The following PCDH7 variants were observed in gnomAD, a reference collection of about 807,000 sequenced individuals.
The protein encoded by PCDH7 is protocadherin 7.
A neutral mutation model predicts 58.9 loss-of-function variants in PCDH7; 17 were observed. The ratio of observed to expected loss-of-function variants is 0.29; its 90% confidence interval spans 0.20 to 0.43. PCDH7 has a LOEUF of 0.43. PCDH7 is among the 20% of genes least tolerant of loss of function. The probability of loss-of-function intolerance (pLI) is 1.00; values close to 1 mark genes in which losing one functional copy is unlikely to be tolerated. For synonymous variants in PCDH7, 664 were observed against 616.4 expected (o/e 1.08, Z -1.14); for missense variants, 1,274 against 1,441.0 (o/e 0.88, Z 1.88).
intron 3 of PCDH7, among the ~76,000 whole-genome samples, chr4:31,080,618 T>C (rs1759422493): frequency 6.6e-6 from 1 of 152,232 alleles, no homozygotes; most frequent in Admixed American, 6.5e-5. Flanking sequence ...ATTCTTTTCA[T>C]ATTGCATTTA....
intron 3 of PCDH7, among the ~76,000 whole-genome samples, chr4:31,085,137 A>G (rs555877833): frequency 3.3e-4 from 50 of 152,164 alleles, no homozygotes; most frequent in African/African-American, 1.2e-3. Flanking sequence ...CTTGATGGGT[A>G]GGGGAAAGCC....
intron 1 of PCDH7, among the ~76,000 whole-genome samples, chr4:30,832,120 C>T (rs573347470): frequency 1.3e-5 from 2 of 152,128 alleles, no homozygotes; most frequent in African/African-American, 4.8e-5. Context: ...GAAGTGAGCT[C>T]AGCATCACAG....
chr4:31,085,429 C>A (rs1712278469), intron 3 of PCDH7, among the ~76,000 whole-genome samples: 1 of 152,038 alleles, frequency 6.6e-6, no homozygotes, highest in South Asian at 2.1e-4. Context: ...GCAATCTAGT[C>A]CCCAGGCAAG....
At chr4:30,894,463 G>GGAAAAAA (rs1393250151) in intron 1 of PCDH7, among the ~76,000 whole-genome samples, 1 of 13,040 alleles carries the variant, frequency 7.7e-5, no homozygotes, top group African/African-American at 2.8e-4. Flanking sequence ...TTTCATTCAG[G>GGAAAAAA]AAAAAAAAAA....
At chr4:30,805,555 T>C (rs1032882085) in intron 1 of PCDH7, among the ~76,000 whole-genome samples, 1 of 152,198 alleles carries the variant, frequency 6.6e-6, no homozygotes, top group African/African-American at 2.4e-5. Flanking sequence ...ATTACAAACA[T>C]AATAGAGCAA....
At chr4:30,923,591 G>A (rs1053647927) in intron 2 of PCDH7, among the ~76,000 whole-genome samples, 6 of 151,888 alleles carry the variant, frequency 4.0e-5, no homozygotes, top group East Asian at 1.9e-4. Flanking sequence ...TCTTACCACC[G>A]GAATCTAATA....
At position 30,971,712 on chromosome 4, in the gene PCDH7, C is replaced by T. The variant is rs767512793; in HGVS notation, c.*7+21497C>T. On this transcript the variant is annotated intron_variant, in intron 3 of 3. Coordinates refer to the PCDH7 transcript ENST00000509759. ...TTTGAGGATGGACTAGAAGTAGCTACACCAACCATGAGCACACCATTAAAA... is the reference window on the plus strand; with the variant it reads ...TTTGAGGATGGACTAGAAGTAGCTATACCAACCATGAGCACACCATTAAAA... 5.3e-5 allele frequency among the ~76,000 whole-genome samples: 8 copies of T among 152,282 alleles called. No individual in the cohort carries two copies. The East Asian group carries it at 1.4e-3, about 26-fold the overall frequency.
intron 3 of PCDH7, among the ~76,000 whole-genome samples, chr4:31,100,309 A>G (rs1714742845): frequency 6.6e-6 from 1 of 152,186 alleles, no homozygotes; most frequent in East Asian, 1.9e-4. Context: ...CCAGTGAGAG[A>G]TTATTTAAGT....
At chr4:30,796,849 T>C (rs1189755702) in intron 1 of PCDH7, among the ~76,000 whole-genome samples, 1 of 152,230 alleles carries the variant, frequency 6.6e-6, no homozygotes, top group African/African-American at 2.4e-5. Flanking sequence ...TAGCTTATCC[T>C]AATCCTTACT....
chr4:30,780,504 C>T (rs943030054), intron 1 of PCDH7, among the ~76,000 whole-genome samples: 12 of 138,760 alleles, frequency 8.6e-5, no homozygotes, highest in East Asian at 2.1e-4. Context: ...AAGACTCCGT[C>T]GAAAAGAAAA....
chr4:30,764,678 T>G (rs759600406), intron 1 of PCDH7, among the ~76,000 whole-genome samples: 8 of 151,090 alleles, frequency 5.3e-5, no homozygotes, highest in Non-Finnish European at 1.0e-4. Context: ...TTCTACCTAA[T>G]GCACACAATT....
chr4:31,074,813 A>G (rs898306351), intron 3 of PCDH7, among the ~76,000 whole-genome samples: 6 of 140,078 alleles, frequency 4.3e-5, no homozygotes, highest in Admixed American at 7.2e-5. Context: ...AAAAAGCTGT[A>G]TTTATTTGAC....
chr4:30,817,920 C>T (rs1298032353), intron 1 of PCDH7, among the ~76,000 whole-genome samples: 1 of 151,984 alleles, frequency 6.6e-6, no homozygotes, highest in Non-Finnish European at 1.5e-5. Flanking sequence ...TTTTTCATCT[C>T]GTCCAAGTTA....
chr4:30,827,851 A>C (rs1577960579), intron 1 of PCDH7, among the ~76,000 whole-genome samples: 1 of 152,266 alleles, frequency 6.6e-6, no homozygotes, highest in East Asian at 1.9e-4. Context: ...AAGTTGTTGA[A>C]GGAGCAATCC....
intron 1 of PCDH7, among the ~76,000 whole-genome samples, chr4:30,852,829 GAAAAAAA>G (rs58210433): frequency 6.7e-5 from 5 of 74,614 alleles, no homozygotes; most frequent in East Asian, 9.2e-4. Flanking sequence ...TCAAGCACAG[GAAAAAAA>G]AAAAAAAAAA....
downstream of PCDH7, among the ~76,000 whole-genome samples, chr4:30,737,464 C>T (rs987599178): frequency 1.3e-5 from 2 of 152,020 alleles, no homozygotes; most frequent in Admixed American, 6.5e-5. Context: ...GCTGCAGTCA[C>T]CTGTGTTCAC....
rs1247463491 is a variant in PCDH7 at position 30,720,943 on chromosome 4, CAGGCGGGGG to C, written c.-475_-467del. ...GTAGCAGCAAAGACCAGCGGGCTGGCAGGCGGGGGAGGCTGCAGGCTCATTCCCCACCTC... is the reference window on the plus strand; with the variant it reads ...GTAGCAGCAAAGACCAGCGGGCTGGCAGGCTGCAGGCTCATTCCCCACCTC... On this transcript the variant is annotated 5_prime_UTR_variant, in exon 1 of 2. Coordinates refer to ENST00000361762, the Ensembl canonical transcript of PCDH7. This position sits in a 1 kb window ranked among gnomAD's most constrained non-coding sequence, Gnocchi z 4.7. 6.3e-6 allele frequency: 1 copy of C among 157,652 alleles called. No individual in the cohort carries two copies. The highest frequency in any genetic ancestry group is 2.4e-5 in the African/African-American group (1 of 41,682). 9.8% of individuals were successfully genotyped at this position (157,652 alleles called of 1,614,324 possible).
intron 3 of PCDH7, among the ~76,000 whole-genome samples, chr4:31,081,116 A>C (rs1469347474): frequency 3.3e-5 from 5 of 152,212 alleles, no homozygotes; most frequent in Non-Finnish European, 7.3e-5. Flanking sequence ...CTAATACATA[A>C]TGTATGAAAA....
At chr4:31,018,565 C>G (rs1001306359) in intron 3 of PCDH7, among the ~76,000 whole-genome samples, 1 of 152,128 alleles carries the variant, frequency 6.6e-6, no homozygotes, top group Admixed American at 6.5e-5. Flanking sequence ...GAGGCTATTC[C>G]CATTTTATTC....
Sources: allele counts gnomAD v4.1 joint callset (sites outside exome capture counted in the v4.1 genomes callset), GRCh38; gene constraint gnomAD v4.1.1; non-coding constraint Gnocchi (gnomAD v3.1); transcripts MANE v1.5; gene names NCBI Gene and HGNC (gene_info 2026-07-23, HGNC 2026-07-21).